Variants in EXOC4 observed in about 807,000 individuals in gnomAD.
The protein encoded by EXOC4 is SEC8-like 1.
A neutral mutation model predicts 107.2 loss-of-function variants in EXOC4; 71 were observed. The ratio of observed to expected loss-of-function variants is 0.66; its 90% CI spans 0.55 to 0.81. EXOC4 has a LOEUF of 0.81. Ranked by LOEUF, EXOC4 falls within the 30% of genes least tolerant of loss-of-function variation. The probability of loss-of-function intolerance (pLI) is 0.00; values close to 1 mark genes in which losing one functional copy is unlikely to be tolerated. For synonymous variants in EXOC4, 456 were observed against 441.2 expected (o/e 1.03, Z -0.42); for missense variants, 1,108 against 1,189.6 (o/e 0.93, Z 1.01).
At chr7:134,011,239 A>G (rs573514893) in intron 17 of EXOC4, among the ~76,000 whole-genome samples, 1 of 151,922 alleles carries the variant, frequency 6.6e-6, no homozygotes, top group African/African-American at 2.4e-5. Flanking sequence ...CTAGGAGTCC[A>G]GATGGTGGCA....
chr7:133,857,813 G>A (rs1035542139), intron 11 of EXOC4, among the ~76,000 whole-genome samples: 2 of 152,120 alleles, frequency 1.3e-5, no homozygotes, highest in African/African-American at 4.8e-5. Context: ...AGGGGTGGGT[G>A]TGGAGGCGCT....
Position 134,060,609 on chromosome 7 carries a change from G to A in EXOC4, c.2688-3682G>A, listed in dbSNP as rs372484507. On this transcript the variant is annotated intron_variant, in intron 17 of 17. Transcript: ENST00000253861. ...ATTATTTATCCCTATTGGGTGACATGATTTCATTTCAGTCTGACAGTGTTT... is the reference window on the plus strand; with the variant it reads ...ATTATTTATCCCTATTGGGTGACATAATTTCATTTCAGTCTGACAGTGTTT... Among the ~76,000 whole-genome samples, 121 of 152,302 alleles carry A rather than the reference G, an allele frequency of 7.9e-4. No individual in the cohort carries two copies. The Middle Eastern group carries it at 0.01, about 13-fold the overall frequency.
intron 14 of EXOC4, among the ~76,000 whole-genome samples, chr7:133,949,371 A>G (rs1399290266): frequency 1.3e-5 from 2 of 152,170 alleles, no homozygotes; most frequent in Non-Finnish European, 2.9e-5. Context: ...TCCTAGGTGG[A>G]TTTGACTAGA....
chr7:133,429,665 T>G (rs1797809474), intron 7 of EXOC4, among the ~76,000 whole-genome samples: 1 of 152,232 alleles, frequency 6.6e-6, no homozygotes, highest in Admixed American at 6.5e-5. Context: ...CTCTGTAGAT[T>G]TGTCTATTCT....
chr7:133,842,152 C>T (rs1411905520), intron 11 of EXOC4, among the ~76,000 whole-genome samples: 1 of 152,166 alleles, frequency 6.6e-6, no homozygotes, highest in East Asian at 1.9e-4. Flanking sequence ...GATTTATATT[C>T]CTTTGGGTAT....
At chr7:133,550,073 G>T (rs2150940468) in intron 9 of EXOC4, among the ~76,000 whole-genome samples, 1 of 152,238 alleles carries the variant, frequency 6.6e-6, no homozygotes, top group South Asian at 2.1e-4. Context: ...TTTTGTATTT[G>T]AATTGAAGCC....
intron 7 of EXOC4, among the ~76,000 whole-genome samples, chr7:133,440,466 G>A (rs1798078876): frequency 6.6e-6 from 1 of 151,248 alleles, no homozygotes; most frequent in Non-Finnish European, 1.5e-5. Context: ...GACTGGAAAT[G>A]TCAGAGACAT....
chr7:133,390,271 T>A (rs1283918859), intron 7 of EXOC4, among the ~76,000 whole-genome samples: 1 of 152,184 alleles, frequency 6.6e-6, no homozygotes, highest in African/African-American at 2.4e-5. Context: ...TTTCTATAGT[T>A]GTCACAGCAA....
chr7:133,623,572 A>G (rs1321200176), intron 9 of EXOC4, among the ~76,000 whole-genome samples: 2 of 152,232 alleles, frequency 1.3e-5, no homozygotes, highest in African/African-American at 4.8e-5. Context: ...GTTGTTATTA[A>G]TAATAATGAC....
chr7:133,747,244 A>C (rs752118562), intron 10 of EXOC4, among the ~76,000 whole-genome samples: 1 of 152,168 alleles, frequency 6.6e-6, no homozygotes, highest in Non-Finnish European at 1.5e-5. Context: ...ATACCATGCT[A>C]TTATTGCTCT....
intron 9 of EXOC4, among the ~76,000 whole-genome samples, chr7:133,581,699 A>C (rs1253352462): frequency 7.0e-6 from 1 of 143,396 alleles, no homozygotes. Flanking sequence ...CAGAGCTTGC[A>C]GTGAGCCGGG....
At chr7:133,482,529 C>T (rs1456741220) in intron 9 of EXOC4, among the ~76,000 whole-genome samples, 1 of 152,148 alleles carries the variant, frequency 6.6e-6, no homozygotes, top group East Asian at 1.9e-4. Flanking sequence ...CAGTGGTCCA[C>T]GCTCTCTTGA....
chr7:133,880,844 T>C (rs1177254951), intron 11 of EXOC4, among the ~76,000 whole-genome samples: 2 of 152,208 alleles, frequency 1.3e-5, no homozygotes, highest in African/African-American at 4.8e-5. Flanking sequence ...TTACATCATA[T>C]ACATTTTCCA....
chr7:134,007,973 G>T, intron 17 of EXOC4, 138 bp downstream of exon 17: 2 of 744,694 alleles, frequency 2.7e-6, no homozygotes, highest in South Asian at 2.4e-5. Context: ...GATGTTTTTA[G>T]GTCCTATAGA....
At position 133,289,114 on chromosome 7, in the gene EXOC4, T is replaced by C; in HGVS notation, c.469T>C (p.Leu157=). The change falls in exon 3 of 18, where the codon TTG becomes CTG. Residue 157 remains leucine, a splice_region_variant and synonymous_variant. Transcript: ENST00000253861. ...SKHYLSATDM[L]VSAVESLEGP... The stretch of plus-strand genomic sequence containing the variant: ...GCACTATCTCAGTGCCACTGACATG[T>C]TGGTAAGAGAACAGCCTGTGCTAAG... 1 of 1,613,720 alleles carries C rather than the reference T, an allele frequency of 6.2e-7. No homozygotes were observed. Among genetic ancestry groups the C allele is most frequent in the South Asian group, 1.1e-5 (1 of 91,044 alleles).
intron 10 of EXOC4, among the ~76,000 whole-genome samples, chr7:133,762,050 T>C (rs763255212): frequency 6.6e-6 from 1 of 152,198 alleles, no homozygotes; most frequent in Non-Finnish European, 1.5e-5. Context: ...AATGTTTAAA[T>C]GTTTAAATGT....
intron 10 of EXOC4, among the ~76,000 whole-genome samples, chr7:133,813,770 C>A (rs1797294662): frequency 6.6e-6 from 1 of 152,072 alleles, no homozygotes; most frequent in Non-Finnish European, 1.5e-5. Flanking sequence ...CTTTCTTGTG[C>A]CTTCTCAATT....
chr7:133,811,073 C>T (rs987472272), intron 10 of EXOC4, among the ~76,000 whole-genome samples: 7 of 152,108 alleles, frequency 4.6e-5, no homozygotes, highest in African/African-American at 9.7e-5. Flanking sequence ...TGATGAGACG[C>T]TCCCCATACA....
chr7:133,376,741 T>G (rs1216050143), intron 7 of EXOC4, among the ~76,000 whole-genome samples: 1 of 152,206 alleles, frequency 6.6e-6, no homozygotes, highest in African/African-American at 2.4e-5. Flanking sequence ...GGGGAAAGCT[T>G]GCTGAACATA....
Sources: allele counts gnomAD v4.1 joint callset (sites outside exome capture counted in the v4.1 genomes callset), GRCh38; gene constraint gnomAD v4.1.1; transcripts MANE v1.5; gene names NCBI Gene and HGNC (gene_info 2026-07-23, HGNC 2026-07-21).